Variants in NPAS2 observed in about 807,000 individuals in gnomAD.
The protein encoded by NPAS2 is neuronal PAS domain-containing protein 2.
Under a neutral mutation model 107.5 loss-of-function variants are expected in NPAS2, and 23 were observed. The observed-to-expected ratio is 0.21, with a 90% CI of 0.15 to 0.30. The LOEUF (loss-of-function observed/expected upper bound fraction) is 0.30. NPAS2 is among the 10% of genes least tolerant of loss of function. The pLI is 1.00. For synonymous variants in NPAS2, 403 were observed against 417.5 expected, an observed-to-expected ratio of 0.97 and a Z score of 0.42; for missense variants, 756 against 1,043.3, an observed-to-expected ratio of 0.72 and a Z score of 3.79.
intron 1 of NPAS2, among the ~76,000 whole-genome samples, chr2:100,867,730 G>A (rs982742560): frequency 6.6e-6 from 1 of 152,042 alleles, no homozygotes; most frequent in Admixed American, 6.6e-5. Context: ...TTGTAGACAA[G>A]GTGTCACTTT....
At chr2:100,824,032 C>T (rs1202386321) in intron 1 of NPAS2, among the ~76,000 whole-genome samples, 1 of 152,170 alleles carries the variant, frequency 6.6e-6, no homozygotes, top group Non-Finnish European at 1.5e-5. Context: ...GCAAATGATG[C>T]TTACCTTGCC....
At chr2:100,924,604 C>T (rs1683442928) in intron 2 of NPAS2, among the ~76,000 whole-genome samples, 1 of 152,194 alleles carries the variant, frequency 6.6e-6, no homozygotes. Flanking sequence ...ATACCTCTGC[C>T]CTGGGTCTGT....
At chr2:100,900,540 G>A (rs1333250199) in intron 1 of NPAS2, among the ~76,000 whole-genome samples, 3 of 152,092 alleles carry the variant, frequency 2.0e-5, no homozygotes, top group Non-Finnish European at 2.9e-5. Flanking sequence ...CAGCTACCCC[G>A]TGTTCCAAGA....
At chr2:100,994,460 A>T (rs926476485) in intron 20 of NPAS2, 31 of 152,322 alleles carry the variant, frequency 2.0e-4, no homozygotes, top group African/African-American at 6.7e-4. Context: ...GTGATTTTGG[A>T]TGGGAAATGA....
At chr2:100,895,015 G>A (rs1198137313) in intron 1 of NPAS2, among the ~76,000 whole-genome samples, 2 of 152,206 alleles carry the variant, frequency 1.3e-5, no homozygotes. Flanking sequence ...TCTCTAAGAT[G>A]GAGTTTACTG....
At chr2:100,948,409 GA>G in intron 6 of NPAS2, 54 bp downstream of exon 6, 7 of 1,521,544 alleles carry the variant, frequency 4.6e-6, no homozygotes, top group Non-Finnish European at 5.3e-6. Flanking sequence ...TTTTGCTTTT[GA>G]AAGGAGGTTA....
At chr2:100,871,861 C>T (rs375559039) in intron 1 of NPAS2, among the ~76,000 whole-genome samples, 9 of 152,058 alleles carry the variant, frequency 5.9e-5, no homozygotes, top group African/African-American at 1.9e-4. Context: ...TTTAGTTAGA[C>T]GCTTAAAGTC....
At position 100,932,925 on chromosome 2, in the gene NPAS2, C is replaced by T. The variant is rs775528411; in HGVS notation, c.197C>T (p.Thr66Met). The change falls in exon 4 of 21, where the codon ACG becomes ATG. Residue 66 changes from threonine (T) to methionine (M), a missense_variant. By Grantham distance (81) the Thr-to-Met change is moderately conservative. Coordinates refer to ENST00000335681, the MANE Select transcript of NPAS2 (RefSeq NM_002518.4). ...TCTTTTCTAGAAGTCTCAGCGCAAA[C>T]GGAAATCTGTGACATTCAGCAAGAC... is the stretch of plus-strand genomic sequence containing the variant. ...LQKHNEVSAQ[T>M]EICDIQQDWK... is the part of the protein sequence containing the mutation. 3.6e-5 allele frequency: 58 copies of T among 1,613,394 alleles called. No homozygotes were observed. Among genetic ancestry groups the T allele is most frequent in the East Asian group, 1.1e-4 (5 of 44,896 alleles).
rs368306404 is a variant in NPAS2 at position 100,873,307 on chromosome 2, T to TACACAC, written c.-22-31396_-22-31391dup. ...ATATATATATATATATATATATATA[T>TACACAC]ACACACACACACACACACACACACA... On this transcript the variant is annotated intron_variant, in intron 1 of 20. Coordinates refer to ENST00000335681, the MANE Select transcript of NPAS2 (RefSeq NM_002518.4). Among the ~76,000 whole-genome samples the TACACAC allele has an allele frequency of 6.0e-3, 249 of 41,846 alleles. 6 individuals are homozygous for TACACAC. Among genetic ancestry groups the TACACAC allele is most frequent in the East Asian group, 0.05 (66 of 1,326 alleles). 27.5% of individuals were successfully genotyped at this position (41,846 alleles called of 152,430 possible). A position where few individuals can be genotyped will look rare whatever the true frequency, so the allele number is the denominator to read the frequency against.
chr2:100,852,197 C>T (rs1375838074), intron 1 of NPAS2, among the ~76,000 whole-genome samples: 4 of 151,948 alleles, frequency 2.6e-5, no homozygotes, highest in South Asian at 2.1e-4. Flanking sequence ...GAGATCAAGA[C>T]CATCCTGGCT....
intron 1 of NPAS2, among the ~76,000 whole-genome samples, chr2:100,839,508 A>G (rs1416840043): frequency 6.6e-6 from 1 of 152,122 alleles, no homozygotes; most frequent in Non-Finnish European, 1.5e-5. Flanking sequence ...GATTTTCTTA[A>G]TAACATTTTT....
chr2:100,821,500 A>T (rs1408551049), intron 1 of NPAS2, among the ~76,000 whole-genome samples: 1 of 152,142 alleles, frequency 6.6e-6, no homozygotes, highest in Non-Finnish European at 1.5e-5. Context: ...AATTAACTTA[A>T]TCAGCAGAGA....
At chr2:100,837,067 G>A (rs1677115828) in intron 1 of NPAS2, among the ~76,000 whole-genome samples, 1 of 151,996 alleles carries the variant, frequency 6.6e-6, no homozygotes, top group Non-Finnish European at 1.5e-5. Flanking sequence ...GAGCCATACA[G>A]CAGCGGGACC....
At chr2:100,974,084 C>T (rs532315191) in intron 12 of NPAS2, among the ~76,000 whole-genome samples, 18 of 152,328 alleles carry the variant, frequency 1.2e-4, no homozygotes, top group East Asian at 7.7e-4. Context: ...TCAAATGATC[C>T]GCCTGCCTCA....
Position 100,982,260 on chromosome 2 carries a change from C to T in NPAS2, c.1512C>T (p.Thr504=). 1 of 1,614,220 alleles carries T rather than the reference C, an allele frequency of 6.2e-7. No homozygotes were observed. The highest frequency in any genetic ancestry group is 8.5e-7 in the Non-Finnish European group (1 of 1,180,044). Residue 504 remains threonine, a synonymous_variant, in exon 16 of 21, where the codon ACC becomes ACT. Coordinates refer to ENST00000335681, the MANE Select transcript of NPAS2 (RefSeq NM_002518.4). ...CGGCACAGTTCAGCATGTTCCAGAC[C>T]ATCAAAGACCAGCTAGAGCAGCGGA... is the stretch of plus-strand genomic sequence containing the variant. ...QFSAQFSMFQ[T]IKDQLEQRTR...
chr2:100,992,146 G>A (rs1490875511), intron 19 of NPAS2, among the ~76,000 whole-genome samples: 1 of 152,260 alleles, frequency 6.6e-6, no homozygotes, highest in African/African-American at 2.4e-5. Flanking sequence ...GGGCGCAGTG[G>A]CTCATGCCTG....
At position 100,820,429 on chromosome 2, in the gene NPAS2, C is replaced by T. The variant is rs1160497716; in HGVS notation, c.-23+15C>T. 2 of 150,576 alleles carry T rather than the reference C, an allele frequency of 1.3e-5. No homozygotes were observed. The highest frequency in any genetic ancestry group is 3.0e-5 in the Non-Finnish European group (2 of 67,554). 9.3% of individuals were successfully genotyped at this position (150,576 alleles called of 1,614,324 possible). A position where few individuals can be genotyped will look rare whatever the true frequency, so the allele number is the denominator to read the frequency against. ...CCCGCTCCGAGGTAAGGGGCCGCGC[C>T]TAGGGGCGCGGGGGACCCAGGGTGG... On this transcript the variant is annotated intron_variant, in intron 1 of 20. Transcript: ENST00000335681. This position sits in a 1 kb window ranked among gnomAD's most constrained non-coding sequence, Gnocchi z 5.6.
intron 2 of NPAS2, among the ~76,000 whole-genome samples, chr2:100,917,089 C>T (rs894144084): frequency 5.3e-5 from 8 of 152,110 alleles, no homozygotes; most frequent in Admixed American, 5.2e-4. Flanking sequence ...AAATCAACAA[C>T]TAATCTCTAC....
At chr2:100,983,238 C>T (rs780075942) in intron 16 of NPAS2, 1 of 152,332 alleles carries the variant, frequency 6.6e-6, no homozygotes, top group Non-Finnish European at 1.5e-5. Context: ...TTGCTTCCCC[C>T]ATCACCATCT....
Sources: gnomAD v4.1 joint callset for allele counts (sites outside exome capture counted in the v4.1 genomes callset) on GRCh38, gnomAD v4.1.1 for gene constraint, Gnocchi (gnomAD v3.1) non-coding constraint, MANE v1.5 for transcripts, NCBI Gene and HGNC (gene_info 2026-07-23, HGNC 2026-07-21) for gene names.